INVS: variants seen among roughly 807,000 people sequenced by gnomAD.
The protein encoded by INVS is inversin.
Under a neutral mutation model 108.8 loss-of-function variants are expected in INVS, and 86 were observed. The observed-to-expected ratio is 0.79, with a 90% CI of 0.66 to 0.95. INVS has a LOEUF of 0.95. INVS is among the 40% of genes least tolerant of loss of function. The probability of loss-of-function intolerance (pLI) is 0.00; values close to 1 mark genes in which losing one functional copy is unlikely to be tolerated. For missense variants in INVS, 1,169 were observed against 1,297.4 expected, an observed-to-expected ratio of 0.90 and a Z score of 1.52; for synonymous variants, 455 against 473.5, an observed-to-expected ratio of 0.96 and a Z score of 0.51.
intron 12 of INVS, among the ~76,000 whole-genome samples, chr9:100,276,358 C>T (rs572367855): frequency 6.6e-6 from 1 of 152,276 alleles, no homozygotes; most frequent in East Asian, 1.9e-4. Context: ...TGCAACACAC[C>T]GACATGCAAA....
In INVS at chr9:100,246,611, T is replaced by C. The variant is rs1564174374; in HGVS notation, c.907-5T>C. ...CTCCATTTTTTAAATCAAGTTTTCT[T>C]ACAGGAAACGGTTAAAGTGTTTTTA... On this transcript the variant is annotated splice_region_variant and splice_polypyrimidine_tract_variant and intron_variant, in intron 7 of 16. Transcript: ENST00000262457. The C allele has an allele frequency of 6.2e-7, 1 of 1,610,378 alleles. No homozygotes were observed. Among genetic ancestry groups the C allele is most frequent in the Non-Finnish European group, 8.5e-7 (1 of 1,176,692 alleles).
intron 3 of INVS, among the ~76,000 whole-genome samples, chr9:100,164,480 T>C (rs1013748112): frequency 6.6e-6 from 1 of 152,130 alleles, no homozygotes; most frequent in Non-Finnish European, 1.5e-5. Flanking sequence ...AATAGAATAG[T>C]AAAATGACCC....
chr9:100,285,633 A>C (rs1055109853), intron 13 of INVS, among the ~76,000 whole-genome samples: 21 of 152,248 alleles, frequency 1.4e-4, no homozygotes, highest in African/African-American at 5.1e-4. Context: ...ATTAGGCACG[A>C]GCTTCCAACG....
chr9:100,291,619 G>C (rs1451908827), intron 13 of INVS, among the ~76,000 whole-genome samples: 1 of 152,160 alleles, frequency 6.6e-6, no homozygotes. Context: ...GTTTGCTTCT[G>C]TGAGGCATCC....
chr9:100,141,212 A>G (rs936110768), intron 3 of INVS, among the ~76,000 whole-genome samples: 2 of 152,200 alleles, frequency 1.3e-5, no homozygotes, highest in African/African-American at 4.8e-5. Flanking sequence ...GGGGCCTAAT[A>G]AAAAGGAGCA....
chr9:100,167,595 A>T (rs1829407508), intron 3 of INVS, among the ~76,000 whole-genome samples: 1 of 152,110 alleles, frequency 6.6e-6, no homozygotes, highest in Non-Finnish European at 1.5e-5. Context: ...ACTCTGCTTT[A>T]TGTCTTTTCT....
chr9:100,252,773 A>G, intron 9 of INVS, 134 bp from the exon 10 acceptor site: 1 of 729,966 alleles, frequency 1.4e-6, no homozygotes, highest in East Asian at 2.7e-5. Flanking sequence ...AAAGCATTAA[A>G]GGAACAATTG....
intron 3 of INVS, among the ~76,000 whole-genome samples, chr9:100,164,906 T>C (rs1829311614): frequency 6.6e-6 from 1 of 151,230 alleles, no homozygotes; most frequent in Non-Finnish European, 1.5e-5. Context: ...CTTTTTTTTT[T>C]TTTTTTTACA....
At chr9:100,140,260 C>T (rs557136269) in intron 3 of INVS, among the ~76,000 whole-genome samples, 72 of 152,146 alleles carry the variant, frequency 4.7e-4, no homozygotes, top group African/African-American at 1.5e-3. Flanking sequence ...TGGGTGCAGG[C>T]GGGCTGAGTC....
intron 3 of INVS, among the ~76,000 whole-genome samples, chr9:100,141,646 G>C (rs781177563): frequency 6.6e-6 from 1 of 152,148 alleles, no homozygotes; most frequent in Non-Finnish European, 1.5e-5. Flanking sequence ...CTCGGGGCAC[G>C]TGAGTAAAGT....
chr9:100,190,863 C>CT (rs967774331), intron 3 of INVS, among the ~76,000 whole-genome samples: 24 of 148,220 alleles, frequency 1.6e-4, no homozygotes, highest in African/African-American at 3.7e-4. Flanking sequence ...TTTTTGTTTT[C>CT]TTTTTTTTTT....
chr9:100,187,367 G>T (rs1000385094), intron 3 of INVS, among the ~76,000 whole-genome samples: 4 of 151,746 alleles, frequency 2.6e-5, no homozygotes, highest in Non-Finnish European at 4.4e-5. Flanking sequence ...TGAATTTTAG[G>T]ATTGTTACTT....
intron 3 of INVS, among the ~76,000 whole-genome samples, chr9:100,174,756 T>C (rs1829655027): frequency 6.6e-6 from 1 of 151,540 alleles, no homozygotes; most frequent in South Asian, 2.1e-4. Context: ...CTACTAAAAA[T>C]ACAAAATTAG....
At chr9:100,123,094 T>C (rs1827778736) in intron 2 of INVS, among the ~76,000 whole-genome samples, 1 of 152,228 alleles carries the variant, frequency 6.6e-6, no homozygotes, top group African/African-American at 2.4e-5. Context: ...CTTTTTGTAA[T>C]GCTTTATTAA....
intron 3 of INVS, among the ~76,000 whole-genome samples, chr9:100,151,340 A>T (rs1486446583): frequency 6.6e-6 from 1 of 152,098 alleles, no homozygotes; most frequent in Non-Finnish European, 1.5e-5. Context: ...TTCGCCAGGC[A>T]TGGTGGTGCA....
At chr9:100,175,990 T>C (rs1402057482) in intron 3 of INVS, 6 of 552,086 alleles carry the variant, frequency 1.1e-5, no homozygotes, top group Non-Finnish European at 2.1e-5. Flanking sequence ...CTAGGTATTT[T>C]AGTACTCCAC....
chr9:100,158,494 C>T (rs1310749346), intron 3 of INVS, among the ~76,000 whole-genome samples: 2 of 152,124 alleles, frequency 1.3e-5, no homozygotes, highest in Non-Finnish European at 2.9e-5. Context: ...TGAGTTTCCT[C>T]ATCTGAAAAT....
intron 2 of INVS, among the ~76,000 whole-genome samples, chr9:100,118,503 C>A (rs937658050): frequency 1.7e-4 from 26 of 152,114 alleles, no homozygotes; most frequent in Admixed American, 1.2e-3. Flanking sequence ...GCCACCACAC[C>A]CAGCCCCAAT....
intron 13 of INVS, among the ~76,000 whole-genome samples, chr9:100,289,184 A>T (rs1833539751): frequency 6.6e-6 from 1 of 152,176 alleles, no homozygotes; most frequent in Admixed American, 6.5e-5. Context: ...CTACAGCTCC[A>T]TTAGGTATAT....
Sources: allele counts gnomAD v4.1 joint callset (sites outside exome capture counted in the v4.1 genomes callset), GRCh38; gene constraint gnomAD v4.1.1; transcripts MANE v1.5; gene names NCBI Gene and HGNC (gene_info 2026-07-23, HGNC 2026-07-21).